The following ZMIZ1 variants were observed in gnomAD, a reference collection of about 807,000 sequenced individuals.
ZMIZ1 encodes zinc finger MIZ-type containing 1, also known as zinc finger MIZ domain-containing protein 1.
A neutral mutation model predicts 113.9 loss-of-function variants in ZMIZ1; 17 were observed. That is an observed-to-expected ratio of 0.15 (90% confidence interval 0.10 to 0.22). ZMIZ1 has a LOEUF of 0.22. Ranked by LOEUF, ZMIZ1 falls within the 10% of genes least tolerant of loss-of-function variation. ZMIZ1 has a pLI of 1.00. For missense variants in ZMIZ1, 1,059 were observed against 1,477.8 expected, an observed-to-expected ratio of 0.72 and a Z score of 4.65; for synonymous variants, 607 against 603.1, an observed-to-expected ratio of 1.01 and a Z score of -0.09.
At chr10:79,192,895 C>G (rs1191464289) in intron 4 of ZMIZ1, among the ~76,000 whole-genome samples, 1 of 152,186 alleles carries the variant, frequency 6.6e-6, no homozygotes, top group East Asian at 1.9e-4. Flanking sequence ...AGCAGCTGGC[C>G]CTGTGCAGCT....
intron 7 of ZMIZ1, among the ~76,000 whole-genome samples, chr10:79,245,298 C>T (rs543619802): frequency 6.6e-6 from 1 of 152,174 alleles, no homozygotes; most frequent in Non-Finnish European, 1.5e-5. Context: ...CTGATGTGCC[C>T]GAGATCATCC....
intron 19 of ZMIZ1, among the ~76,000 whole-genome samples, chr10:79,304,523 A>C (rs572835322): frequency 6.6e-6 from 1 of 152,328 alleles, no homozygotes; most frequent in African/African-American, 2.4e-5. Flanking sequence ...GCATCAAGTC[A>C]GTGTTCAGGA....
At chr10:79,102,305 T>C (rs910460202) in intron 1 of ZMIZ1, among the ~76,000 whole-genome samples, 20 of 152,324 alleles carry the variant, frequency 1.3e-4, no homozygotes, top group African/African-American at 4.3e-4. Flanking sequence ...ATAAACACGG[T>C]TATTTTTAGC....
At chr10:79,082,949 C>G (rs74653663) in intron 1 of ZMIZ1, among the ~76,000 whole-genome samples, 3,663 of 152,174 alleles carry the variant, frequency 0.024, 146 homozygotes, top group African/African-American at 0.084. Context: ...TTTGTGCCTC[C>G]CCTCGCCCAG....
chr10:79,263,702 T>C (rs920763217), intron 7 of ZMIZ1, among the ~76,000 whole-genome samples: 18 of 151,876 alleles, frequency 1.2e-4, no homozygotes, highest in African/African-American at 4.1e-4. Context: ...AACCAAGGGC[T>C]TGGAATTGGA....
chr10:79,221,914 TCA>T (rs1314512582), intron 7 of ZMIZ1, among the ~76,000 whole-genome samples: 4 of 152,236 alleles, frequency 2.6e-5, no homozygotes, highest in African/African-American at 9.6e-5. Flanking sequence ...GAGGCTGGCC[TCA>T]CAGCTGTGGG....
chr10:79,206,293 C>T (rs1019112145), intron 5 of ZMIZ1, among the ~76,000 whole-genome samples: 1 of 152,212 alleles, frequency 6.6e-6, no homozygotes, highest in South Asian at 2.1e-4. Flanking sequence ...GCTACCCCTG[C>T]ACCCAGAGCC....
At chr10:79,261,574 A>G (rs1851274369) in intron 7 of ZMIZ1, among the ~76,000 whole-genome samples, 1 of 152,204 alleles carries the variant, frequency 6.6e-6, no homozygotes, top group Non-Finnish European at 1.5e-5. Flanking sequence ...TAGAGCCGGC[A>G]GTGAGGCGGA....
At chr10:79,253,872 A>G (rs1337707250) in intron 7 of ZMIZ1, among the ~76,000 whole-genome samples, 1 of 152,160 alleles carries the variant, frequency 6.6e-6, no homozygotes, top group African/African-American at 2.4e-5. Flanking sequence ...ACACACAGGT[A>G]CATGCACACA....
intron 7 of ZMIZ1, among the ~76,000 whole-genome samples, chr10:79,221,352 C>A (rs1190305782): frequency 6.6e-6 from 1 of 152,212 alleles, no homozygotes; most frequent in African/African-American, 2.4e-5. Context: ...GCCAGGCAGG[C>A]GGCTCCACGC....
chr10:79,208,116 G>A (rs1423004412), intron 5 of ZMIZ1, among the ~76,000 whole-genome samples: 17 of 141,898 alleles, frequency 1.2e-4, no homozygotes, highest in African/African-American at 4.5e-4. Context: ...GATCGGGGAG[G>A]TGGGGTGGAG....
rs1210658779 is a variant in ZMIZ1, at chr10:79,146,966, GTGTGTGTA to G, written c.-131+7191_-131+7198del. On this transcript the variant is annotated intron_variant, in intron 3 of 24. Transcript: ENST00000334512. ...TGTACGTGTGTGTGTGTGTGTGTGT[GTGTGTGTA>G]TATCCCTGTCCCTGGCCAAGGAAAC... Among the ~76,000 whole-genome samples, 25 of 133,232 alleles carry G rather than the reference GTGTGTGTA, an allele frequency of 1.9e-4. 1 individual carries two copies. Among genetic ancestry groups the G allele is most frequent in the East Asian group, 1.0e-3 (5 of 4,854 alleles). 87.4% of individuals were successfully genotyped at this position (133,232 alleles called of 152,430 possible).
At chr10:79,206,106 C>CA (rs79155220) in intron 5 of ZMIZ1, among the ~76,000 whole-genome samples, 270 of 95,024 alleles carry the variant, frequency 2.8e-3, no homozygotes, top group Non-Finnish European at 3.8e-3. Flanking sequence ...AGACCCTGTC[C>CA]AAAAAAAAAA....
chr10:79,073,495 T>C (rs1473784625), intron 1 of ZMIZ1, among the ~76,000 whole-genome samples: 1 of 152,058 alleles, frequency 6.6e-6, no homozygotes, highest in Non-Finnish European at 1.5e-5. Flanking sequence ...CAGTTGTGAG[T>C]GTTAACATGT....
intron 7 of ZMIZ1, among the ~76,000 whole-genome samples, chr10:79,256,293 A>G (rs547565420): frequency 7.5e-4 from 114 of 151,970 alleles, no homozygotes; most frequent in African/African-American, 2.6e-3. Context: ...CTCCATTCCC[A>G]TCTCACCTGT....
At chr10:79,309,867 C>T (rs925973146) in intron 23 of ZMIZ1, among the ~76,000 whole-genome samples, 1 of 152,160 alleles carries the variant, frequency 6.6e-6, no homozygotes, top group African/African-American at 2.4e-5. Flanking sequence ...TCCGTGAGCC[C>T]CTCTCACTGG....
chr10:79,077,817 C>T (rs766239235), intron 1 of ZMIZ1, among the ~76,000 whole-genome samples: 1 of 152,194 alleles, frequency 6.6e-6, no homozygotes, highest in Admixed American at 6.5e-5. Context: ...AGATGGAGTG[C>T]GCAAACTTCC....
intron 18 of ZMIZ1, among the ~76,000 whole-genome samples, 159 bp from the exon 19 acceptor site, chr10:79,303,856 C>T (rs146270381): frequency 6.6e-6 from 1 of 152,364 alleles, no homozygotes; most frequent in Non-Finnish European, 1.5e-5. Context: ...CTGTGACTGC[C>T]ACACAGTGCC....
chr10:79,198,287 G>A (rs1168246117), intron 4 of ZMIZ1, among the ~76,000 whole-genome samples: 1 of 152,146 alleles, frequency 6.6e-6, no homozygotes, highest in Non-Finnish European at 1.5e-5. Context: ...GCATTTCTTG[G>A]AGAGAAGAAG....
Sources: gnomAD v4.1 joint callset for allele counts (sites outside exome capture counted in the v4.1 genomes callset) on GRCh38, gnomAD v4.1.1 for gene constraint, MANE v1.5 for transcripts, NCBI Gene and HGNC (gene_info 2026-07-23, HGNC 2026-07-21) for gene names.